The following AKAP6 variants were observed in gnomAD, a reference collection of about 807,000 sequenced individuals.
AKAP6 encodes the protein A-kinase anchor protein 6.
In AKAP6, 58 loss-of-function variants were observed where a neutral mutation model predicts 188.5. The ratio of observed to expected loss-of-function variants is 0.31; its 90% confidence interval spans 0.25 to 0.38. The LOEUF is 0.38. AKAP6 is among the 10% of genes least tolerant of loss of function. The pLI is 1.00. For missense variants in AKAP6, 2,710 were observed against 2,740.0 expected (o/e 0.99, Z 0.24); for synonymous variants, 989 against 998.6 (o/e 0.99, Z 0.18).
At chr14:32,463,411 C>T (rs1891420149) in intron 2 of AKAP6, among the ~76,000 whole-genome samples, 1 of 152,190 alleles carries the variant, frequency 6.6e-6, no homozygotes, top group African/African-American at 2.4e-5. Context: ...TCTCAGACCA[C>T]AGTGAAATCA....
chr14:32,479,328 G>A (rs1254787105), intron 2 of AKAP6, among the ~76,000 whole-genome samples: 1 of 151,936 alleles, frequency 6.6e-6, no homozygotes, highest in African/African-American at 2.4e-5. Flanking sequence ...TTTCTTGATT[G>A]TGTGATTAAT....
At chr14:32,355,975 C>T (rs1358859194) in intron 1 of AKAP6, among the ~76,000 whole-genome samples, 1 of 151,968 alleles carries the variant, frequency 6.6e-6, no homozygotes, top group Non-Finnish European at 1.5e-5. Context: ...GACGGGGTTT[C>T]ACCATGTTGC....
intron 2 of AKAP6, among the ~76,000 whole-genome samples, chr14:32,443,471 A>G (rs1392836364): frequency 6.6e-6 from 1 of 152,146 alleles, no homozygotes; most frequent in Non-Finnish European, 1.5e-5. Flanking sequence ...GTTCCAGAGC[A>G]GTCATGTCAG....
intron 1 of AKAP6, among the ~76,000 whole-genome samples, chr14:32,333,833 G>A (rs1345349963): frequency 6.6e-6 from 1 of 152,090 alleles, no homozygotes; most frequent in Non-Finnish European, 1.5e-5. Flanking sequence ...GATCAGTTAA[G>A]GAGAGATATT....
rs773334988 is a variant in AKAP6, at chr14:32,546,699, A to G, written c.2046A>G (p.Pro682=). ...SEMNSDSEIY[P]TYHVKKKHTR... ...TGAATTCAGATTCTGAAATCTATCC[A>G]ACCTATCATGTCAAAAAGAAGCATA... The change falls in exon 4 of 14, where the codon CCA becomes CCG. Residue 682 remains proline, a synonymous_variant. Coordinates refer to ENST00000280979, the MANE Select transcript of AKAP6 (RefSeq NM_004274.5). The G allele has an allele frequency of 6.2e-7, 1 of 1,614,150 alleles. No homozygotes were observed. The highest frequency in any genetic ancestry group is 1.1e-5 in the South Asian group (1 of 91,082).
rs1027810049 is a variant in AKAP6 at position 32,831,317 on chromosome 14, G to A, written c.*1512G>A. ...AACACCTACTTAAGTGCCTGACACAGTAGGTATTCAATAAAAATTTACTGA... is the reference window on the plus strand; with the variant it reads ...AACACCTACTTAAGTGCCTGACACAATAGGTATTCAATAAAAATTTACTGA... On this transcript the variant is annotated 3_prime_UTR_variant, in exon 14 of 14. Coordinates refer to ENST00000280979, the MANE Select transcript of AKAP6 (RefSeq NM_004274.5). 2 of 152,160 alleles carry A rather than the reference G, an allele frequency of 1.3e-5. No homozygotes were observed. Among genetic ancestry groups the A allele is most frequent in the Non-Finnish European group, 1.5e-5 (1 of 68,032 alleles). 9.4% of individuals were successfully genotyped at this position (152,160 alleles called of 1,614,324 possible). A position where few individuals can be genotyped will look rare whatever the true frequency, so the allele number is the denominator to read the frequency against.
chr14:32,560,287 A>T (rs189933820), intron 4 of AKAP6, among the ~76,000 whole-genome samples: 18 of 152,236 alleles, frequency 1.2e-4, no homozygotes, highest in African/African-American at 3.9e-4. Context: ...TTGCTAATGG[A>T]TTTGTTGAGA....
chr14:32,534,351 ATCAT>A (rs1882570712), intron 2 of AKAP6, among the ~76,000 whole-genome samples: 1 of 152,194 alleles, frequency 6.6e-6, no homozygotes, highest in South Asian at 2.1e-4. Flanking sequence ...AGCTGACACC[ATCAT>A]TTTGATGCTT....
intron 2 of AKAP6, among the ~76,000 whole-genome samples, chr14:32,510,456 ATATG>A (rs1223488013): frequency 1.6e-4 from 12 of 74,790 alleles, no homozygotes; most frequent in East Asian, 8.7e-4. Flanking sequence ...ATATACATAT[ATATG>A]TGTATATATA....
intron 12 of AKAP6, among the ~76,000 whole-genome samples, chr14:32,798,087 A>G (rs923497964): frequency 2.6e-5 from 4 of 152,252 alleles, no homozygotes; most frequent in African/African-American, 7.2e-5. Context: ...AGCAAAGGAC[A>G]TGAACAGACA....
chr14:32,445,336 T>C (rs1480081547), intron 2 of AKAP6, among the ~76,000 whole-genome samples: 1 of 152,114 alleles, frequency 6.6e-6, no homozygotes, highest in Non-Finnish European at 1.5e-5. Context: ...TAAACCATCT[T>C]GCCAGCTAAG....
intron 2 of AKAP6, among the ~76,000 whole-genome samples, chr14:32,436,739 C>A (rs1440673501): frequency 6.6e-6 from 1 of 152,092 alleles, no homozygotes; most frequent in Non-Finnish European, 1.5e-5. Flanking sequence ...GAGTTTGAGA[C>A]CAGACTGGGC....
At chr14:32,666,072 G>A (rs188284607) in intron 7 of AKAP6, among the ~76,000 whole-genome samples, 56 of 152,056 alleles carry the variant, frequency 3.7e-4, no homozygotes, top group Admixed American at 9.2e-4. Context: ...ACAATTATTT[G>A]CCTTTACATT....
chr14:32,775,566 A>G (rs1594934161), intron 12 of AKAP6, among the ~76,000 whole-genome samples: 1 of 151,718 alleles, frequency 6.6e-6, no homozygotes, highest in South Asian at 2.1e-4. Context: ...TCAAGTAGCT[A>G]GGACTACAGG....
At chr14:32,432,040 G>A (rs954693793) in intron 1 of AKAP6, among the ~76,000 whole-genome samples, 1 of 152,006 alleles carries the variant, frequency 6.6e-6, no homozygotes, top group East Asian at 1.9e-4. Flanking sequence ...CTCTATTTTG[G>A]TATGTAAAAA....
chr14:32,524,157 C>CAAA (rs11429816), intron 2 of AKAP6, among the ~76,000 whole-genome samples: 1 of 144,820 alleles, frequency 6.9e-6, no homozygotes. Context: ...GAGCCTGTTT[C>CAAA]AAAAAAAAAA....
intron 1 of AKAP6, among the ~76,000 whole-genome samples, chr14:32,355,415 G>A (rs905342980): frequency 7.4e-6 from 1 of 135,440 alleles, no homozygotes; most frequent in African/African-American, 3.1e-5. Flanking sequence ...TTTCTCTCTT[G>A]GTCTTGTTCT....
At chr14:32,419,974 C>T (rs557663590) in intron 1 of AKAP6, among the ~76,000 whole-genome samples, 2 of 152,214 alleles carry the variant, frequency 1.3e-5, no homozygotes, top group South Asian at 2.1e-4. Flanking sequence ...CACTCTATCT[C>T]CTTATCCTCC....
At chr14:32,828,521 TCTCTCTCTCACACACA>T (rs1231512504) in intron 13 of AKAP6, among the ~76,000 whole-genome samples, 6 of 32,700 alleles carry the variant, frequency 1.8e-4, no homozygotes, top group African/African-American at 4.0e-4. Flanking sequence ...TCTCTCTCTC[TCTCTCTCTCACACACA>T]CACACACACA....
Sources: gnomAD v4.1 joint callset for allele counts (sites outside exome capture counted in the v4.1 genomes callset) on GRCh38, gnomAD v4.1.1 for gene constraint, MANE v1.5 for transcripts, NCBI Gene and HGNC (gene_info 2026-07-23, HGNC 2026-07-21) for gene names.